Variants in SLC24A3 observed in about 807,000 individuals in gnomAD.
SLC24A3 encodes solute carrier family 24 member 3.
Under a neutral mutation model 75.8 loss-of-function variants are expected in SLC24A3, and 28 were observed. The ratio of observed to expected loss-of-function variants is 0.37; its 90% confidence interval spans 0.27 to 0.51. SLC24A3 has a LOEUF of 0.51. SLC24A3 is among the 20% of genes least tolerant of loss of function. SLC24A3 has a pLI of 0.94. For synonymous variants in SLC24A3, 372 were observed against 334.1 expected, an observed-to-expected ratio of 1.11 and a Z score of -1.24; for missense variants, 663 against 847.8, an observed-to-expected ratio of 0.78 and a Z score of 2.71.
At chr20:19,620,054 A>G (rs998159822) in intron 6 of SLC24A3, among the ~76,000 whole-genome samples, 1 of 152,138 alleles carries the variant, frequency 6.6e-6, no homozygotes, top group Non-Finnish European at 1.5e-5. Flanking sequence ...TTTCAGAGGA[A>G]CTGGACCACT....
At chr20:19,654,215 G>A in intron 7 of SLC24A3, 79 bp downstream of exon 7, 1 of 1,340,428 alleles carries the variant, frequency 7.5e-7, no homozygotes. Flanking sequence ...TCCACATGGA[G>A]TTCACTCGAG....
At chr20:19,639,844 C>T (rs1187124577) in intron 6 of SLC24A3, among the ~76,000 whole-genome samples, 2 of 152,252 alleles carry the variant, frequency 1.3e-5, no homozygotes, top group African/African-American at 4.8e-5. Context: ...GCTGGGGGAC[C>T]CATTACACCC....
intron 6 of SLC24A3, among the ~76,000 whole-genome samples, chr20:19,614,919 G>C (rs921156760): frequency 2.0e-5 from 3 of 152,232 alleles, no homozygotes; most frequent in African/African-American, 7.2e-5. Flanking sequence ...ACGTGTGTGT[G>C]TGGGTATGTG....
chr20:19,437,374 C>T (rs1040161472), intron 2 of SLC24A3, among the ~76,000 whole-genome samples: 5 of 152,304 alleles, frequency 3.3e-5, no homozygotes, highest in South Asian at 2.1e-4. Flanking sequence ...TTCTCTCTCC[C>T]GATTCCCTGT....
chr20:19,423,315 C>G (rs1323324307), intron 2 of SLC24A3, among the ~76,000 whole-genome samples: 1 of 152,164 alleles, frequency 6.6e-6, no homozygotes, highest in African/African-American at 2.4e-5. Flanking sequence ...TCCCGCTCAG[C>G]CCCAACTGCA....
At chr20:19,622,677 C>A (rs531273346) in intron 6 of SLC24A3, among the ~76,000 whole-genome samples, 1 of 152,152 alleles carries the variant, frequency 6.6e-6, no homozygotes. Flanking sequence ...CTGGAGCATA[C>A]AGGTGAGTTC....
intron 2 of SLC24A3, among the ~76,000 whole-genome samples, chr20:19,448,809 A>C (rs1462507463): frequency 6.6e-6 from 1 of 152,218 alleles, no homozygotes; most frequent in East Asian, 1.9e-4. Flanking sequence ...AACCATGCAA[A>C]GCCACTTAGC....
intron 1 of SLC24A3, chr20:19,264,215 C>G (rs1291017092): frequency 6.6e-6 from 1 of 152,022 alleles, no homozygotes; most frequent in Admixed American, 6.6e-5. Flanking sequence ...CACATCTTCC[C>G]ACTTGTTTTA....
intron 3 of SLC24A3, among the ~76,000 whole-genome samples, chr20:19,526,084 C>T (rs960799876): frequency 6.6e-6 from 1 of 152,156 alleles, no homozygotes; most frequent in Admixed American, 6.5e-5. Context: ...TGTGTCACCC[C>T]ACTGCCAGTC....
At chr20:19,244,643 C>T (rs1316781525) in intron 1 of SLC24A3, among the ~76,000 whole-genome samples, 2 of 152,160 alleles carry the variant, frequency 1.3e-5, no homozygotes, top group East Asian at 3.9e-4. Flanking sequence ...GGTGTCTATC[C>T]TCAGGGCAGA....
intron 2 of SLC24A3, among the ~76,000 whole-genome samples, chr20:19,475,344 A>G (rs1490921405): frequency 1.3e-5 from 2 of 152,070 alleles, no homozygotes; most frequent in East Asian, 3.9e-4. Context: ...GTCTCAAGAA[A>G]AAAAAAAAAA....
In SLC24A3 at chr20:19,267,633, AACAT is replaced by A. The variant is rs369290205; in HGVS notation, c.143-13322_143-13319del. Among the ~76,000 whole-genome samples, 199 of 152,342 alleles carry A rather than the reference AACAT, an allele frequency of 1.3e-3. 1 individual carries two copies. Among genetic ancestry groups the A allele is most frequent in the Admixed American group, 0.011 (164 of 15,306 alleles). On this transcript the variant is annotated intron_variant, in intron 1 of 16. Transcript: ENST00000328041. Reference sequence around the variant, plus strand: ...ATTTTGATTCCAAATTTTTAAGTGGAACATACACGTTTTTAGAATGTACTGATTT... The same window carrying A: ...ATTTTGATTCCAAATTTTTAAGTGGAACACGTTTTTAGAATGTACTGATTT...
At chr20:19,705,818 A>G (rs1436248663) in intron 15 of SLC24A3, among the ~76,000 whole-genome samples, 1 of 152,206 alleles carries the variant, frequency 6.6e-6, no homozygotes, top group Admixed American at 6.6e-5. Flanking sequence ...GGAAGGATGA[A>G]TGCAGTTTTA....
At chr20:19,288,086 C>G (rs982761544) in intron 2 of SLC24A3, among the ~76,000 whole-genome samples, 1 of 152,220 alleles carries the variant, frequency 6.6e-6, no homozygotes, top group Non-Finnish European at 1.5e-5. Flanking sequence ...GAATTTACCA[C>G]TCTGCAGGCA....
intron 2 of SLC24A3, among the ~76,000 whole-genome samples, chr20:19,385,522 G>C (rs1001964609): frequency 6.6e-6 from 1 of 152,052 alleles, no homozygotes; most frequent in African/African-American, 2.4e-5. Context: ...CCAGTGCCTT[G>C]CTCTTTTGCT....
intron 6 of SLC24A3, among the ~76,000 whole-genome samples, chr20:19,612,464 G>A (rs2031682362): frequency 6.6e-6 from 1 of 152,154 alleles, no homozygotes; most frequent in African/African-American, 2.4e-5. Flanking sequence ...TGATGGATCT[G>A]CTGTGTACCC....
At chr20:19,349,182 T>C (rs543870961) in intron 2 of SLC24A3, among the ~76,000 whole-genome samples, 2 of 152,298 alleles carry the variant, frequency 1.3e-5, no homozygotes, top group South Asian at 2.1e-4. Context: ...TAAACTTCCA[T>C]AGGAACAAGC....
At chr20:19,697,645 C>G (rs903361743) in intron 14 of SLC24A3, 1 of 152,300 alleles carries the variant, frequency 6.6e-6, no homozygotes, top group Non-Finnish European at 1.5e-5. Flanking sequence ...CTGATTTATG[C>G]TGGAGGGCAT....
intron 2 of SLC24A3, among the ~76,000 whole-genome samples, chr20:19,405,862 T>C (rs540128141): frequency 2.0e-5 from 3 of 152,240 alleles, no homozygotes. Context: ...GAAGGAACTT[T>C]GGGTAAAATA....
Sources: gnomAD v4.1 joint callset for allele counts (sites outside exome capture counted in the v4.1 genomes callset) on GRCh38, gnomAD v4.1.1 for gene constraint, MANE v1.5 for transcripts, NCBI Gene and HGNC (gene_info 2026-07-23, HGNC 2026-07-21) for gene names.